PRR16: variants seen among roughly 807,000 people sequenced by gnomAD.
PRR16 encodes the protein proline rich 16, also known as protein Largen.
In PRR16, 6 loss-of-function variants were observed where a neutral mutation model predicts 18.2. That is an observed-to-expected ratio of 0.33 (90% CI 0.18 to 0.65). The LOEUF (loss-of-function observed/expected upper bound fraction) is 0.65, where lower values mean the gene tolerates loss of function less well. PRR16 is among the 30% of genes least tolerant of loss of function. PRR16 has a pLI of 0.74. For synonymous variants in PRR16, 151 were observed against 147.8 expected, an observed-to-expected ratio of 1.02 and a Z score of -0.16; for missense variants, 412 against 376.6, an observed-to-expected ratio of 1.09 and a Z score of -0.78.
Position 120,672,701 on chromosome 5 carries a change from T to C in PRR16, c.160-13253T>C, listed in dbSNP as rs532507618. Among the ~76,000 whole-genome samples, 4 of 152,264 alleles carry C rather than the reference T, an allele frequency of 2.6e-5. No homozygotes were observed. In the East Asian group the frequency reaches 5.8e-4, roughly 22 times the overall value. ...TGTGATGCTTGCAGAATATTTTTTA[T>C]TGAGCTAGTTTAACATCTATAGGGG... On this transcript the variant is annotated intron_variant, in intron 1 of 1. Coordinates refer to ENST00000407149, the MANE Select transcript of PRR16 (RefSeq NM_001300783.2).
intron 1 of PRR16, among the ~76,000 whole-genome samples, chr5:120,539,499 C>T (rs760879051): frequency 3.6e-4 from 55 of 151,864 alleles, no homozygotes; most frequent in Non-Finnish European, 5.6e-4. Flanking sequence ...TATATGTTAT[C>T]TTCAGGAAAA....
At chr5:120,622,017 C>T (rs140731937) in intron 1 of PRR16, among the ~76,000 whole-genome samples, 86 of 152,266 alleles carry the variant, frequency 5.6e-4, no homozygotes, top group Non-Finnish European at 9.6e-4. Context: ...TTGACCTGAG[C>T]ATTAGCCGTT....
intron 1 of PRR16, among the ~76,000 whole-genome samples, chr5:120,640,431 G>C (rs1174593316): frequency 2.0e-5 from 3 of 152,098 alleles, no homozygotes; most frequent in African/African-American, 7.2e-5. Context: ...AGAGAAACAT[G>C]AGCCACGCAC....
At chr5:120,630,091 C>T (rs529295083) in intron 1 of PRR16, among the ~76,000 whole-genome samples, 1 of 151,940 alleles carries the variant, frequency 6.6e-6, no homozygotes, top group Non-Finnish European at 1.5e-5. Context: ...AGCTATAATT[C>T]TTTAAATACT....
intron 1 of PRR16, among the ~76,000 whole-genome samples, chr5:120,595,776 A>G (rs1008580776): frequency 6.6e-5 from 10 of 151,962 alleles, no homozygotes; most frequent in African/African-American, 2.4e-4. Context: ...GCCATTTAGT[A>G]CACACCTTTT....
chr5:120,692,267 A>G (rs1443877483), downstream of PRR16, among the ~76,000 whole-genome samples: 1 of 152,222 alleles, frequency 6.6e-6, no homozygotes, highest in Non-Finnish European at 1.5e-5. Flanking sequence ...ATGGTAACAA[A>G]TAACCCCAGT....
chr5:120,473,937 T>C (rs1465712053), intron 1 of PRR16, among the ~76,000 whole-genome samples: 1 of 152,162 alleles, frequency 6.6e-6, no homozygotes, highest in African/African-American at 2.4e-5. Flanking sequence ...CATGGTGGCA[T>C]TGGGGAAAAT....
At chr5:120,562,106 A>C (rs1752593879) in intron 1 of PRR16, among the ~76,000 whole-genome samples, 1 of 152,004 alleles carries the variant, frequency 6.6e-6, no homozygotes, top group Non-Finnish European at 1.5e-5. Context: ...ATTGTATCGA[A>C]GTCTATCTCT....
intron 1 of PRR16, among the ~76,000 whole-genome samples, chr5:120,549,787 T>C (rs1397212952): frequency 1.3e-5 from 2 of 152,092 alleles, no homozygotes; most frequent in African/African-American, 2.4e-5. Flanking sequence ...ATTTAACAAA[T>C]GCTTTTGGAA....
chr5:120,512,812 G>A (rs191017485), intron 1 of PRR16, among the ~76,000 whole-genome samples: 1 of 151,966 alleles, frequency 6.6e-6, no homozygotes. Context: ...TACTGGGGAG[G>A]GAAAGCAAGT....
chr5:120,578,003 A>C (rs991759036), intron 1 of PRR16, among the ~76,000 whole-genome samples: 1 of 152,164 alleles, frequency 6.6e-6, no homozygotes, highest in African/African-American at 2.4e-5. Context: ...AATAAATATA[A>C]TGAAAAGAAA....
intron 1 of PRR16, among the ~76,000 whole-genome samples, chr5:120,563,348 C>T (rs1752634810): frequency 6.6e-6 from 1 of 152,144 alleles, no homozygotes; most frequent in Non-Finnish European, 1.5e-5. Flanking sequence ...TCCCCCAGGT[C>T]CTAGTAGGGT....
intron 1 of PRR16, among the ~76,000 whole-genome samples, chr5:120,547,698 T>C (rs1378487501): frequency 6.6e-6 from 1 of 152,086 alleles, no homozygotes; most frequent in Non-Finnish European, 1.5e-5. Flanking sequence ...AGCAAAGTAC[T>C]TACTTATTTG....
At chr5:120,573,527 G>C (rs1272245586) in intron 1 of PRR16, among the ~76,000 whole-genome samples, 1 of 135,862 alleles carries the variant, frequency 7.4e-6, no homozygotes, top group Non-Finnish European at 1.7e-5. Context: ...GCTCTCTCTT[G>C]GACTAATTTA....
intron 1 of PRR16, among the ~76,000 whole-genome samples, chr5:120,546,313 G>A (rs770849610): frequency 1.1e-4 from 16 of 152,016 alleles, no homozygotes; most frequent in African/African-American, 2.9e-4. Flanking sequence ...TGTACCTGGT[G>A]GATTATGAAA....
chr5:120,608,134 C>T (rs112809688), intron 1 of PRR16, among the ~76,000 whole-genome samples: 179 of 152,242 alleles, frequency 1.2e-3, no homozygotes, highest in African/African-American at 4.0e-3. Context: ...CTTTTGTTTC[C>T]TGATAATATA....
chr5:120,713,136 A>G, the PRR16 span, among the ~76,000 whole-genome samples: 28 of 152,132 alleles, frequency 1.8e-4, no homozygotes, highest in Non-Finnish European at 1.5e-5. Flanking sequence ...ACACGCACAT[A>G]TATTATTTAA....
chr5:120,793,916 G>GA, the PRR16 span, among the ~76,000 whole-genome samples: 6 of 152,182 alleles, frequency 3.9e-5, no homozygotes, highest in African/African-American at 1.4e-4. Flanking sequence ...TGATAATTGT[G>GA]AATCTAAACA....
At chr5:120,583,298 G>A (rs914894626) in intron 1 of PRR16, among the ~76,000 whole-genome samples, 7 of 146,862 alleles carry the variant, frequency 4.8e-5, no homozygotes, top group Non-Finnish European at 1.0e-4. Flanking sequence ...ACATTTTAAT[G>A]GGTAATACAA....
Sources: gnomAD v4.1 joint callset for allele counts (sites outside exome capture counted in the v4.1 genomes callset) on GRCh38, gnomAD v4.1.1 for gene constraint, MANE v1.5 for transcripts, NCBI Gene and HGNC (gene_info 2026-07-23, HGNC 2026-07-21) for gene names.